Variants in MAGI2 observed in about 807,000 individuals in gnomAD.
MAGI2 encodes the protein membrane-associated guanylate kinase, WW and PDZ domain-containing protein 2.
In MAGI2, 35 loss-of-function variants were observed where a neutral mutation model predicts 133.3. The observed-to-expected ratio is 0.26, with a 90% CI of 0.20 to 0.35. The LOEUF (loss-of-function observed/expected upper bound fraction) is 0.35. Among genes scored for constraint, MAGI2 ranks in the 10% least tolerant of loss-of-function variants. The pLI, the probability that MAGI2 is intolerant of heterozygous loss-of-function variation, is 1.00. For synonymous variants in MAGI2, 729 were observed against 710.6 expected, an observed-to-expected ratio of 1.03 and a Z score of -0.41; for missense variants, 1,636 against 1,863.4, an observed-to-expected ratio of 0.88 and a Z score of 2.25.
At chr7:78,784,943 A>T (rs545836033) in intron 2 of MAGI2, among the ~76,000 whole-genome samples, 51 of 152,188 alleles carry the variant, frequency 3.4e-4, no homozygotes, top group African/African-American at 1.2e-3. Flanking sequence ...GCTTAGAACT[A>T]TTTTTTTGCA....
intron 1 of MAGI2, among the ~76,000 whole-genome samples, chr7:79,288,926 A>T (rs977499613): frequency 1.3e-5 from 2 of 152,146 alleles, no homozygotes; most frequent in African/African-American, 4.8e-5. Context: ...ATGGTCCCAT[A>T]GGAACTGCTA....
intron 8 of MAGI2, among the ~76,000 whole-genome samples, chr7:78,344,217 C>G (rs1790672885): frequency 6.6e-6 from 1 of 152,142 alleles, no homozygotes; most frequent in Non-Finnish European, 1.5e-5. Context: ...AAATCAGTTT[C>G]CACTCATTAA....
At chr7:78,752,015 T>A (rs925686217) in intron 2 of MAGI2, among the ~76,000 whole-genome samples, 4 of 152,208 alleles carry the variant, frequency 2.6e-5, no homozygotes, top group Non-Finnish European at 4.4e-5. Context: ...AGGAAGAACA[T>A]ATACCACAGG....
At chr7:79,137,412 A>G (rs1585020032) in intron 1 of MAGI2, among the ~76,000 whole-genome samples, 1 of 150,840 alleles carries the variant, frequency 6.6e-6, no homozygotes, top group East Asian at 2.0e-4. Flanking sequence ...TGTTGAGGGG[A>G]CATAACAAGG....
intron 2 of MAGI2, among the ~76,000 whole-genome samples, chr7:78,882,086 C>CAAAAAA (rs771918590): frequency 0.011 from 137 of 12,454 alleles, 11 homozygotes; most frequent in East Asian, 0.016. Flanking sequence ...ACAACAACAA[C>CAAAAAA]AAAAAAAAAA....
chr7:78,687,204 C>T (rs1316640317), intron 2 of MAGI2, among the ~76,000 whole-genome samples: 1 of 152,140 alleles, frequency 6.6e-6, no homozygotes, highest in Non-Finnish European at 1.5e-5. Context: ...TCCTGAGACC[C>T]CCAGCTGACC....
intron 1 of MAGI2, among the ~76,000 whole-genome samples, chr7:79,272,103 T>C (rs1355435084): frequency 2.0e-5 from 3 of 152,178 alleles, no homozygotes; most frequent in South Asian, 2.1e-4. Flanking sequence ...AATACTTACA[T>C]AGTCATTTTA....
At chr7:79,219,647 CAAAT>C (rs998553228) in intron 1 of MAGI2, among the ~76,000 whole-genome samples, 11 of 152,060 alleles carry the variant, frequency 7.2e-5, no homozygotes, top group South Asian at 4.2e-4. Context: ...CATAGAATGA[CAAAT>C]GAATGAGACA....
At chr7:79,363,117 G>A (rs1392683340) in intron 1 of MAGI2, among the ~76,000 whole-genome samples, 1 of 151,386 alleles carries the variant, frequency 6.6e-6, no homozygotes, top group Non-Finnish European at 1.5e-5. Context: ...GTACAAGGTC[G>A]AAATGTAAAA....
intron 3 of MAGI2, among the ~76,000 whole-genome samples, chr7:78,587,552 T>C (rs1180455432): frequency 2.0e-5 from 3 of 152,260 alleles, no homozygotes; most frequent in Non-Finnish European, 2.9e-5. Flanking sequence ...AGTGGATATA[T>C]TTTTCTGGAT....
chr7:78,235,751 T>G (rs12537443), intron 10 of MAGI2, among the ~76,000 whole-genome samples: 1 of 94,480 alleles, frequency 1.1e-5, no homozygotes, highest in Non-Finnish European at 2.7e-5. Flanking sequence ...TAATACTCTA[T>G]TTTTTTTACA....
At chr7:78,748,957 T>G (rs1823197234) in intron 2 of MAGI2, among the ~76,000 whole-genome samples, 1 of 152,218 alleles carries the variant, frequency 6.6e-6, no homozygotes, top group Non-Finnish European at 1.5e-5. Flanking sequence ...TTGTCAAGCA[T>G]TTACTACATA....
chr7:79,091,658 T>G (rs996889066), intron 1 of MAGI2, among the ~76,000 whole-genome samples: 1 of 151,890 alleles, frequency 6.6e-6, no homozygotes, highest in Non-Finnish European at 1.5e-5. Flanking sequence ...GGAAAATGTT[T>G]TCTGCCAAGG....
intron 14 of MAGI2, among the ~76,000 whole-genome samples, chr7:78,168,983 G>A (rs960108459): frequency 1.3e-5 from 2 of 152,140 alleles, no homozygotes; most frequent in African/African-American, 4.8e-5. Context: ...TCTACGCAAA[G>A]GACATTCCCA....
intron 9 of MAGI2, among the ~76,000 whole-genome samples, chr7:78,323,162 G>C (rs553238390): frequency 2.6e-5 from 4 of 151,934 alleles, no homozygotes; most frequent in African/African-American, 9.7e-5. Flanking sequence ...ACTGTACTAT[G>C]ATCCCAGAGG....
At chr7:78,342,520 T>G (rs1435194490) in intron 9 of MAGI2, among the ~76,000 whole-genome samples, 1 of 152,216 alleles carries the variant, frequency 6.6e-6, no homozygotes, top group Non-Finnish European at 1.5e-5. Context: ...GTATGTTTAC[T>G]GTGGCACTAT....
At chr7:78,648,732 T>C (rs1423606354) in intron 2 of MAGI2, among the ~76,000 whole-genome samples, 2 of 152,196 alleles carry the variant, frequency 1.3e-5, no homozygotes, top group African/African-American at 4.8e-5. Flanking sequence ...TAATCAGCAT[T>C]GTGTTTTTAC....
intron 10 of MAGI2, among the ~76,000 whole-genome samples, chr7:78,202,310 G>A (rs1348791421): frequency 1.1e-4 from 16 of 152,104 alleles, no homozygotes; most frequent in Non-Finnish European, 2.1e-4. Context: ...ACACATTAGG[G>A]AATCCAACTC....
At chr7:79,101,679 G>A (rs1370543766) in intron 1 of MAGI2, among the ~76,000 whole-genome samples, 18 of 143,842 alleles carry the variant, frequency 1.3e-4, no homozygotes, top group African/African-American at 2.1e-4. Flanking sequence ...AGCCGAGATC[G>A]CGCCACCGCA....
Sources: gnomAD v4.1 joint callset for allele counts (sites outside exome capture counted in the v4.1 genomes callset) on GRCh38, gnomAD v4.1.1 for gene constraint, MANE v1.5 for transcripts, NCBI Gene and HGNC (gene_info 2026-07-23, HGNC 2026-07-21) for gene names.